Variants in STPG4 observed in about 807,000 individuals in gnomAD.
The protein encoded by STPG4 is sperm-tail PG-rich repeat containing 4, also known as protein STPG4.
STPG4 carries 41 observed loss-of-function variants against 31.5 expected under a neutral mutation model. The ratio of observed to expected loss-of-function variants is 1.30; its 90% CI spans 1.01 to 1.69. STPG4 has a LOEUF of 1.69. STPG4 is among the 40% of genes most tolerant of loss of function. The pLI is 0.00. For missense variants in STPG4, 375 were observed against 293.4 expected, an observed-to-expected ratio of 1.28 and a Z score of -2.03; for synonymous variants, 141 against 103.0, an observed-to-expected ratio of 1.37 and a Z score of -2.24.
intron 5 of STPG4, among the ~76,000 whole-genome samples, chr2:47,101,362 C>T (rs1035461058): frequency 2.6e-5 from 4 of 151,626 alleles, no homozygotes; most frequent in East Asian, 1.9e-4. Flanking sequence ...TCCAGGGTCC[C>T]GACAACAAGT....
rs546462179 is a variant in STPG4 at position 47,090,763 on chromosome 2, A to C, written c.520-389T>G. 3.9e-4 allele frequency among the ~76,000 whole-genome samples: 59 copies of C among 152,368 alleles called. 3 individuals carry two copies. The East Asian group carries it at 0.011, about 27-fold the overall frequency. On this transcript the variant is annotated intron_variant, in intron 5 of 6. Transcript: ENST00000445927. ...AGGTGACTTGCTGCTCCAAGCTGTTAGCTTTATAAAAATGCTTATTCTTTC... is the reference window on the plus strand; with the variant it reads ...AGGTGACTTGCTGCTCCAAGCTGTTCGCTTTATAAAAATGCTTATTCTTTC...
Position 47,090,393 on chromosome 2 carries a change from A to T in STPG4, c.520-19T>A, listed in dbSNP as rs759746308. ...CTTCATGCTATTGAACATTTAAAAA[A>T]TTGCTTCATTATTATTGTACATTTG... On this transcript the variant is annotated intron_variant, in intron 5 of 6. Transcript: ENST00000445927. 19 of 1,471,438 alleles carry T rather than the reference A, an allele frequency of 1.3e-5. No homozygotes were observed. The highest frequency in any genetic ancestry group is 1.8e-5 in the Non-Finnish European group (19 of 1,075,914). The allele number at this position is 1,471,438 out of a possible 1,614,324, so 91.1% of individuals were successfully genotyped here.
intron 3 of STPG4, among the ~76,000 whole-genome samples, chr2:47,146,659 T>C (rs1049774596): frequency 6.6e-6 from 1 of 151,896 alleles, no homozygotes; most frequent in African/African-American, 2.4e-5. Context: ...AACAAATACA[T>C]GGTGTTCATA....
chr2:47,117,850 GA>G (rs1314134304), intron 5 of STPG4, among the ~76,000 whole-genome samples: 2 of 152,134 alleles, frequency 1.3e-5, no homozygotes, highest in East Asian at 3.8e-4. Context: ...GTCAAGTGGG[GA>G]AACCTGGCCT....
chr2:47,103,324 C>T (rs1364303562), intron 5 of STPG4, among the ~76,000 whole-genome samples: 1 of 151,896 alleles, frequency 6.6e-6, no homozygotes, highest in African/African-American at 2.4e-5. Context: ...CCAAATCACT[C>T]GAGGGTCAAT....
intron 2 of STPG4, among the ~76,000 whole-genome samples, chr2:47,151,726 G>T (rs940413274): frequency 6.6e-6 from 1 of 151,662 alleles, no homozygotes; most frequent in East Asian, 1.9e-4. Context: ...AAGCAAACGG[G>T]TTAGAGTTGA....
chr2:47,120,871 T>G (rs1686259248), intron 5 of STPG4: 1 of 151,638 alleles, frequency 6.6e-6, no homozygotes. Context: ...TAAGAGGGGG[T>G]TCCTGTTCTA....
intron 5 of STPG4, among the ~76,000 whole-genome samples, chr2:47,093,854 T>C (rs911438852): frequency 1.3e-4 from 20 of 152,344 alleles, no homozygotes; most frequent in Middle Eastern, 6.8e-3. Context: ...ACAGGCATGC[T>C]GCGGCAAAGC....
intron 1 of STPG4, 91 bp downstream of exon 1, chr2:47,155,080 C>T: frequency 2.4e-6 from 3 of 1,276,302 alleles, no homozygotes; most frequent in East Asian, 2.4e-5. Context: ...GAGAGCGGCA[C>T]GAAGGCCTGG....
At chr2:47,127,701 T>A (rs1311282926) in intron 5 of STPG4, among the ~76,000 whole-genome samples, 1 of 152,226 alleles carries the variant, frequency 6.6e-6, no homozygotes, top group Non-Finnish European at 1.5e-5. Context: ...TTGATTTGTT[T>A]GCTAAATTTA....
chr2:47,140,457 G>C (rs1686679540), intron 3 of STPG4, among the ~76,000 whole-genome samples: 1 of 152,172 alleles, frequency 6.6e-6, no homozygotes, highest in African/African-American at 2.4e-5. Flanking sequence ...TTAACTCTCA[G>C]ATTTGCCAAC....
chr2:47,153,166 C>G, intron 1 of STPG4, 150 bp from the exon 2 acceptor site: 1 of 544,944 alleles, frequency 1.8e-6, no homozygotes, highest in South Asian at 3.2e-5. Context: ...AATAAATTTG[C>G]CCATATTTCC....
intron 3 of STPG4, among the ~76,000 whole-genome samples, chr2:47,133,371 T>G (rs777520601): frequency 2.6e-5 from 4 of 151,962 alleles, no homozygotes; most frequent in Non-Finnish European, 5.9e-5. Flanking sequence ...CTCACTATGT[T>G]GCCAGGGCTG....
chr2:47,094,622 T>C (rs571019329), intron 5 of STPG4, among the ~76,000 whole-genome samples: 2 of 151,970 alleles, frequency 1.3e-5, no homozygotes, highest in Non-Finnish European at 2.9e-5. Flanking sequence ...TAAACGGAGA[T>C]AGGAGGGGCT....
At position 47,121,089 on chromosome 2, in the gene STPG4, A is replaced by G. The variant is rs111526290; in HGVS notation, c.519+8852T>C. 418 of 154,448 alleles carry G rather than the reference A, an allele frequency of 2.7e-3. 3 individuals are homozygous for G. The highest frequency in any genetic ancestry group is 9.5e-3 in the African/African-American group (394 of 41,642). 9.6% of individuals were successfully genotyped at this position (154,448 alleles called of 1,614,324 possible). ...GGAGAAGCAAGCTGATTTGCTCCAC[A>G]GAACACAAGAAAAGCTGGGGAATTT... On this transcript the variant is annotated intron_variant, in intron 5 of 6. Transcript: ENST00000445927.
At chr2:47,128,023 G>C (rs1686398985) in intron 5 of STPG4, among the ~76,000 whole-genome samples, 1 of 152,174 alleles carries the variant, frequency 6.6e-6, no homozygotes, top group Non-Finnish European at 1.5e-5. Context: ...GCTGTAATCT[G>C]TCTTTGGTCA....
At chr2:47,089,935 G>A (rs1685535660) in intron 6 of STPG4, among the ~76,000 whole-genome samples, 1 of 152,306 alleles carries the variant, frequency 6.6e-6, no homozygotes, top group East Asian at 1.9e-4. Context: ...ATTCTGGCTG[G>A]CAGGAGGCAG....
chr2:47,105,487 G>C (rs565075903), intron 5 of STPG4, among the ~76,000 whole-genome samples: 6 of 152,120 alleles, frequency 3.9e-5, no homozygotes, highest in Non-Finnish European at 8.8e-5. Context: ...CACCTGCGTG[G>C]CCCTCAACCC....
intron 5 of STPG4, among the ~76,000 whole-genome samples, chr2:47,096,842 G>A (rs914235884): frequency 1.3e-5 from 2 of 152,098 alleles, no homozygotes; most frequent in Non-Finnish European, 2.9e-5. Context: ...CCCAATATAC[G>A]AATTAAGGAA....
Sources: gnomAD v4.1 joint callset for allele counts (sites outside exome capture counted in the v4.1 genomes callset) on GRCh38, gnomAD v4.1.1 for gene constraint, MANE v1.5 for transcripts, NCBI Gene and HGNC (gene_info 2026-07-23, HGNC 2026-07-21) for gene names.